The following BLTP1 variants were observed in gnomAD, a reference collection of about 807,000 sequenced individuals.
BLTP1 encodes the protein bridge-like lipid transfer protein family member 1, also known as fragile site-associated protein.
the BLTP1 span, chr4:122,263,723 A>G: frequency 1.7e-6 from 1 of 586,278 alleles, no homozygotes; most frequent in African/African-American, 1.9e-5. Flanking sequence ...GTCCATTTAT[A>G]TTTTTAAATG....
the BLTP1 span, chr4:122,210,029 T>C: frequency 7.0e-7 from 1 of 1,436,920 alleles, no homozygotes; most frequent in Non-Finnish European, 9.3e-7. Flanking sequence ...TCTTGTGACA[T>C]AGTATAAATA....
chr4:122,193,778 C>A, the BLTP1 span: 16 of 323,276 alleles, frequency 4.9e-5, no homozygotes, highest in African/African-American at 3.4e-4. Flanking sequence ...AGTGCTGATA[C>A]TAACTTGATG....
the BLTP1 span, chr4:122,331,494 C>A: frequency 6.2e-7 from 1 of 1,611,350 alleles, no homozygotes; most frequent in Non-Finnish European, 8.5e-7. Context: ...AATGTGTACT[C>A]CACCCAACCA....
chr4:122,289,623 C>T, the BLTP1 span: 1 of 985,154 alleles, frequency 1.0e-6, no homozygotes, highest in Non-Finnish European at 1.2e-6. Flanking sequence ...GAATAGCTTA[C>T]AGTTGAGCTT....
At chr4:122,335,050 G>A in the BLTP1 span, among the ~76,000 whole-genome samples, 6 of 151,788 alleles carry the variant, frequency 4.0e-5, no homozygotes, top group Non-Finnish European at 5.9e-5. Context: ...AGATTTTTCA[G>A]CCCCAGTCAA....
At chr4:122,273,501 T>A in the BLTP1 span, 10 of 817,298 alleles carry the variant, frequency 1.2e-5, no homozygotes, top group East Asian at 1.3e-4. Context: ...AAAAAAAAAA[T>A]TGTCAGTTTT....
At chr4:122,204,013 A>G in the BLTP1 span, 1 of 214,638 alleles carries the variant, frequency 4.7e-6, no homozygotes, top group East Asian at 1.8e-4. Context: ...AGAAGTATAA[A>G]GTAGATAAAA....
the BLTP1 span, among the ~76,000 whole-genome samples, chr4:122,302,481 A>G: frequency 6.6e-6 from 1 of 152,210 alleles, no homozygotes; most frequent in Admixed American, 6.5e-5. Context: ...CTCTGTGATC[A>G]GAAATCTTTG....
the BLTP1 span, among the ~76,000 whole-genome samples, chr4:122,178,797 T>A: frequency 6.6e-5 from 10 of 152,330 alleles, no homozygotes; most frequent in Admixed American, 2.0e-4. Context: ...CACTGCCATA[T>A]CTCTGGTGCC....
chr4:122,278,756 C>T, the BLTP1 span, among the ~76,000 whole-genome samples: 33 of 152,296 alleles, frequency 2.2e-4, no homozygotes, highest in African/African-American at 7.2e-4. Flanking sequence ...CTCATCCTTC[C>T]AAGTAGCAGG....
At chr4:122,237,248 T>C in the BLTP1 span, 3 of 985,336 alleles carry the variant, frequency 3.0e-6, no homozygotes, top group African/African-American at 1.7e-5. Context: ...AAGAGTTATT[T>C]TTTTTGGATC....
the BLTP1 span, chr4:122,170,644 A>G: frequency 1.9e-6 from 3 of 1,559,928 alleles, no homozygotes; most frequent in Admixed American, 6.0e-5. Flanking sequence ...GAAAAACTTT[A>G]GTAATGGATC....
chr4:122,275,865 A>G, the BLTP1 span: 12 of 1,257,056 alleles, frequency 9.5e-6, no homozygotes, highest in Admixed American at 6.8e-5. Flanking sequence ...AGAGTGGGAA[A>G]TTAGAAAAGC....
chr4:122,249,394 A>G, the BLTP1 span: 1 of 1,524,030 alleles, frequency 6.6e-7, no homozygotes, highest in Non-Finnish European at 8.8e-7. Flanking sequence ...TCTTTTAAAG[A>G]CAACCAGTGT....
At chr4:122,354,352 G>A in the BLTP1 span, among the ~76,000 whole-genome samples, 1 of 152,034 alleles carries the variant, frequency 6.6e-6, no homozygotes, top group South Asian at 2.1e-4. Context: ...TGGAAGTTTG[G>A]GGAGGTTGTT....
chr4:122,286,519 T>C, the BLTP1 span: 3 of 1,613,518 alleles, frequency 1.9e-6, no homozygotes, highest in Admixed American at 5.0e-5. Flanking sequence ...GCACAAACAA[T>C]AACTTTTCTC....
the BLTP1 span, among the ~76,000 whole-genome samples, chr4:122,320,700 A>G: frequency 2.0e-3 from 297 of 152,280 alleles, no homozygotes; most frequent in African/African-American, 6.9e-3. Context: ...ATATGTATAT[A>G]TAAGTGGGTT....
At chr4:122,303,309 G>A in the BLTP1 span, among the ~76,000 whole-genome samples, 4 of 152,146 alleles carry the variant, frequency 2.6e-5, no homozygotes, top group Non-Finnish European at 4.4e-5. Context: ...AGCCCGCTAT[G>A]GGTCTACTGC....
chr4:122,179,099 C>G, the BLTP1 span, among the ~76,000 whole-genome samples: 13 of 151,982 alleles, frequency 8.6e-5, no homozygotes, highest in South Asian at 2.5e-3. Context: ...ACAACATTAG[C>G]AAGACCATGT....
Sources: allele counts gnomAD v4.1 joint callset (sites outside exome capture counted in the v4.1 genomes callset), GRCh38; gene constraint gnomAD v4.1.1; transcripts MANE v1.5; gene names NCBI Gene and HGNC (gene_info 2026-07-23, HGNC 2026-07-21).